Variants in CAMK2G observed in about 807,000 individuals in gnomAD.
The protein encoded by CAMK2G is calcium/calmodulin dependent protein kinase II gamma, also known as calcium/calmodulin-dependent protein kinase type II subunit gamma.
A neutral mutation model predicts 88.7 loss-of-function variants in CAMK2G; 23 were observed. The ratio of observed to expected loss-of-function variants is 0.26; its 90% CI spans 0.19 to 0.37. CAMK2G has a LOEUF of 0.37. Ranked by LOEUF, CAMK2G falls within the 10% of genes least tolerant of loss-of-function variation. CAMK2G has a pLI of 1.00. For synonymous variants in CAMK2G, 263 were observed against 294.8 expected (o/e 0.89, Z 1.11); for missense variants, 476 against 780.8 (o/e 0.61, Z 4.65).
intron 10 of CAMK2G, among the ~76,000 whole-genome samples, chr10:73,844,789 C>T (rs1184267614): frequency 6.6e-6 from 1 of 152,172 alleles, no homozygotes; most frequent in Non-Finnish European, 1.5e-5. Context: ...CTCACCCTCA[C>T]TCCCTCTTCG....
chr10:73,820,469 TATATATATA>T (rs1589820959), intron 18 of CAMK2G, among the ~76,000 whole-genome samples: 10 of 37,668 alleles, frequency 2.7e-4, no homozygotes, highest in East Asian at 1.6e-3. Flanking sequence ...TATATTTATA[TATATATATA>T]TATATATATA....
intron 21 of CAMK2G, 123 bp downstream of exon 21, chr10:73,816,900 G>C: frequency 6.2e-7 from 1 of 1,609,980 alleles, no homozygotes. Context: ...ATACAGAGTA[G>C]GAGTGCAGCA....
rs1319928511 is a variant in CAMK2G at position 73,819,559 on chromosome 10, G to A, written c.1336C>T (p.Pro446Ser). The A allele has an allele frequency of 1.3e-6, 2 of 1,549,262 alleles. No individual in the cohort carries two copies. Among genetic ancestry groups the A allele is most frequent in the Non-Finnish European group, 1.7e-6 (2 of 1,146,420 alleles). ...DRTAPSAGMQ[P>S]QPSLCSSAMR... is the part of the protein sequence containing the mutation. ...GCTGAGGAGCAGAGAGAAGGCTGGG[G>A]CTGCATGCCTGCAGAGGGGGCTGTT... The change falls in exon 19 of 23, where the codon CCC becomes TCC. Residue 446 changes from proline (P) to serine (S), a missense_variant. Pro to Ser is a moderately conservative substitution (Grantham distance 74). Transcript: ENST00000423381.
chr10:73,873,279 A>G, intron 1 of CAMK2G, 196 bp from the exon 2 acceptor site: 1 of 1,192,418 alleles, frequency 8.4e-7, no homozygotes, highest in Non-Finnish European at 1.1e-6. Context: ...CACTGAACAG[A>G]TGTGGGTGGC....
Position 73,839,545 on chromosome 10 carries a change from C to T in CAMK2G, c.1003G>A (p.Gly335Arg), listed in dbSNP as rs1433266233. The T allele has an allele frequency of 8.9e-6, 11 of 1,234,620 alleles. No individual in the cohort carries two copies. The highest frequency in any genetic ancestry group is 3.2e-5 in the East Asian group (1 of 31,676). The allele number at this position is 1,234,620 out of a possible 1,614,324, so 76.5% of individuals were successfully genotyped here. A position where few individuals can be genotyped will look rare whatever the true frequency, so the allele number is the denominator to read the frequency against. The change falls in exon 13 of 23, where the codon GGG (glycine) becomes AGG (arginine). Residue 335 changes from glycine to arginine, a missense_variant. Physicochemically the swap from Gly to Arg is moderately radical, Grantham distance 125 (BLOSUM62 -2). Coordinates refer to ENST00000423381, the MANE Select transcript of CAMK2G (RefSeq NM_001367534.1). The surrounding 1 kb of genome is among the most constrained non-coding windows in gnomAD (Gnocchi z 4.2). ...GAGGACTCATGCCACGTACCTTGCC[C>T]GGCCAGGCCGGCGGCGCTCGCGGCA... ...SPAASAAGLA[G>R]QAAKSLLNKK...
In CAMK2G at chr10:73,842,232, T is replaced by A; in HGVS notation, c.904-21A>T. The A allele has an allele frequency of 6.2e-7, 1 of 1,603,510 alleles. No homozygotes were observed. The highest frequency in any genetic ancestry group is 8.5e-7 in the Non-Finnish European group (1 of 1,170,348). On this transcript the variant is annotated intron_variant, in intron 11 of 22. Coordinates refer to ENST00000423381, the MANE Select transcript of CAMK2G (RefSeq NM_001367534.1). This position sits in a 1 kb window ranked among gnomAD's most constrained non-coding sequence, Gnocchi z 4.6. ...GCACCCTGGGGAAAGAGGAAGGTCC[T>A]GTGAATTCACTGAGACCCTAGAAAA...
At chr10:73,873,405 C>G (rs543027443) in intron 1 of CAMK2G, 5 of 1,222,522 alleles carry the variant, frequency 4.1e-6, no homozygotes, top group Non-Finnish European at 5.2e-6. Context: ...GCATCTCAGA[C>G]AGCCCTGCGG....
At chr10:73,834,148 G>A (rs1354035172) in intron 14 of CAMK2G, among the ~76,000 whole-genome samples, 4 of 151,434 alleles carry the variant, frequency 2.6e-5, no homozygotes, top group African/African-American at 9.7e-5. Context: ...TCGATCTCCT[G>A]ACCTCGTGAT....
intron 15 of CAMK2G, among the ~76,000 whole-genome samples, chr10:73,827,109 A>C (rs958281558): frequency 6.6e-6 from 1 of 152,130 alleles, no homozygotes; most frequent in Non-Finnish European, 1.5e-5. Context: ...TGAGGCCAAG[A>C]CCCTCACAGG....
chr10:73,854,826 G>A lies in CAMK2G; in HGVS notation c.221-1580C>T, dbSNP rs145873733. On this transcript the variant is annotated intron_variant, in intron 3 of 22. Transcript: ENST00000423381. ...TCCTCCCTTGATGACTGAGGACTCC[G>A]AAGCCTGCCAGGGCCGGAGCCAGGG... Among the ~76,000 whole-genome samples the A allele has an allele frequency of 4.8e-3, 733 of 152,204 alleles. 8 individuals are homozygous for A. Among genetic ancestry groups the A allele is most frequent in the African/African-American group, 0.017 (707 of 41,512 alleles).
chr10:73,827,009 C>T (rs2091158826), intron 15 of CAMK2G, among the ~76,000 whole-genome samples: 1 of 152,196 alleles, frequency 6.6e-6, no homozygotes, highest in African/African-American at 2.4e-5. Flanking sequence ...CTCTCATTCC[C>T]ACCAAGAAGC....
rs1430154513 is a variant in CAMK2G, at chr10:73,812,773, T to A, written c.*1745A>T. ...AGCCATATGAAGCTATGGGTCTCAA[T>A]GAATTCTAAGACCATTTGTCTTCAA... is the stretch of plus-strand genomic sequence containing the variant. On this transcript the variant is annotated 3_prime_UTR_variant, in exon 23 of 23. Coordinates refer to ENST00000423381, the MANE Select transcript of CAMK2G (RefSeq NM_001367534.1). 1 of 152,680 alleles carries A rather than the reference T, an allele frequency of 6.5e-6. No individual in the cohort carries two copies. Among genetic ancestry groups the A allele is most frequent in the African/African-American group, 2.4e-5 (1 of 41,482 alleles). 9.5% of individuals were successfully genotyped at this position (152,680 alleles called of 1,614,324 possible).
rs374446569 is a variant in CAMK2G, at chr10:73,866,275, G to A, written c.161-5386C>T. ...GAGGCAGAAAAGAGGAAGCAGATAG[G>A]GAGGTGATAGCTTGCAGCCAAGGGG... On this transcript the variant is annotated intron_variant, in intron 2 of 22. Transcript: ENST00000423381. Among the ~76,000 whole-genome samples, 25 of 152,252 alleles carry A rather than the reference G, an allele frequency of 1.6e-4. 1 individual carries two copies. In the East Asian group the frequency reaches 4.6e-3, roughly 28 times the overall value.
In CAMK2G at chr10:73,814,372, C is replaced by T. The variant is rs960683322; in HGVS notation, c.*146G>A. The T allele has an allele frequency of 2.6e-5, 4 of 152,092 alleles. No individual in the cohort carries two copies. Among genetic ancestry groups the T allele is most frequent in the East Asian group, 1.9e-4 (1 of 5,170 alleles). The allele number at this position is 152,092 out of a possible 1,614,324, so 9.4% of individuals were successfully genotyped here. A position where few individuals can be genotyped will look rare whatever the true frequency, so the allele number is the denominator to read the frequency against. ...CGGGCGGGAGGGCTGCATGCAGGGG[C>T]GTGCATTGGCTGCTGCCGCTTTTGT... On this transcript the variant is annotated 3_prime_UTR_variant, in exon 23 of 23. Coordinates refer to ENST00000423381, the MANE Select transcript of CAMK2G (RefSeq NM_001367534.1).
chr10:73,816,805 G>A (rs769707385), intron 21 of CAMK2G: 1 of 1,519,658 alleles, frequency 6.6e-7, no homozygotes, highest in Admixed American at 2.0e-5. Context: ...CCACAAAGCA[G>A]CTGCAGAATG....
intron 1 of CAMK2G, among the ~76,000 whole-genome samples, chr10:73,873,890 G>A (rs1311432735): frequency 7.6e-6 from 1 of 130,824 alleles, no homozygotes; most frequent in Non-Finnish European, 1.7e-5. Flanking sequence ...GGGGACGGGG[G>A]TGCCGCAGCA....
chr10:73,860,745 G>A (rs2095336995), intron 3 of CAMK2G, 85 bp downstream of exon 3: 11 of 971,644 alleles, frequency 1.1e-5, no homozygotes, highest in Middle Eastern at 2.1e-4. Flanking sequence ...ACAGACAGAG[G>A]TGATCCCACA....
intron 2 of CAMK2G, among the ~76,000 whole-genome samples, chr10:73,871,166 G>GA (rs113182710): frequency 1.2e-3 from 171 of 143,866 alleles, no homozygotes; most frequent in Non-Finnish European, 1.4e-3. Flanking sequence ...TTCTTGAGGG[G>GA]AAAAAAAAAA....
At chr10:73,847,913 G>T in intron 9 of CAMK2G, 75 bp downstream of exon 9, 2 of 874,798 alleles carry the variant, frequency 2.3e-6, no homozygotes, top group Non-Finnish European at 3.7e-6. Context: ...AAACAAGCCT[G>T]CTCCCTTGGA....
Sources: gnomAD v4.1 joint callset for allele counts (sites outside exome capture counted in the v4.1 genomes callset) on GRCh38, gnomAD v4.1.1 for gene constraint, Gnocchi (gnomAD v3.1) non-coding constraint, MANE v1.5 for transcripts, NCBI Gene and HGNC (gene_info 2026-07-23, HGNC 2026-07-21) for gene names.